KLF12: variants seen among roughly 807,000 people sequenced by gnomAD.
The protein encoded by KLF12 is Krueppel-like factor 12.
In KLF12, 9 loss-of-function variants were observed where a neutral mutation model predicts 37.8. That is an observed-to-expected ratio of 0.24 (90% CI 0.14 to 0.42). The LOEUF (loss-of-function observed/expected upper bound fraction) is 0.42. Among genes scored for constraint, KLF12 ranks in the 10% least tolerant of loss-of-function variants. The pLI is 1.00. For missense variants in KLF12, 411 were observed against 516.0 expected (o/e 0.80, Z 1.97); for synonymous variants, 208 against 202.1 (o/e 1.03, Z -0.25).
the KLF12 span, among the ~76,000 whole-genome samples, chr13:74,207,563 C>A: frequency 6.6e-6 from 1 of 152,150 alleles, no homozygotes; most frequent in African/African-American, 2.4e-5. Flanking sequence ...GTAATCCCAG[C>A]TACTTGGGAG....
At chr13:73,790,982 G>T (rs1301430778) in intron 5 of KLF12, among the ~76,000 whole-genome samples, 1 of 152,122 alleles carries the variant, frequency 6.6e-6, no homozygotes, top group African/African-American at 2.4e-5. Flanking sequence ...TTTCTAGTCT[G>T]ATCTTGACAT....
chr13:74,136,183 G>A (rs575490377), upstream of KLF12, among the ~76,000 whole-genome samples: 2 of 152,312 alleles, frequency 1.3e-5, no homozygotes, highest in South Asian at 4.1e-4. Context: ...GCGGGAGCGG[G>A]AAGGCGCGGG....
At chr13:74,056,021 G>T (rs568330924) in intron 1 of KLF12, among the ~76,000 whole-genome samples, 42 of 152,324 alleles carry the variant, frequency 2.8e-4, no homozygotes, top group Non-Finnish European at 5.6e-4. Flanking sequence ...AGGAAAACAT[G>T]GGTGTACCTG....
Position 73,860,507 on chromosome 13 carries a change from G to A in KLF12, c.124-14134C>T, listed in dbSNP as rs748869218. 3.8e-4 allele frequency among the ~76,000 whole-genome samples: 58 copies of A among 152,260 alleles called. 1 individual carries two copies. Among genetic ancestry groups the A allele is most frequent in the East Asian group, 2.1e-3 (11 of 5,164 alleles). ...CACAGCACTTTAGGAGGCCGAGACC[G>A]AAGGGTTGCTCGAGCTCAGGAGTTT... On this transcript the variant is annotated intron_variant, in intron 3 of 7. Coordinates refer to ENST00000377669, the MANE Select transcript of KLF12 (RefSeq NM_007249.5).
chr13:73,694,577 T>C lies in KLF12; in HGVS notation c.*913A>G, dbSNP rs1208208090. On this transcript the variant is annotated 3_prime_UTR_variant, in exon 8 of 8. Transcript: ENST00000377669. ...TGCCTGGGCAGCCCCACCTCTTACC[T>C]TGGTGCCAGTGTGTCTAAGAAAGTT... 6.5e-6 allele frequency: 1 copy of C among 152,720 alleles called. No individual in the cohort carries two copies. Among genetic ancestry groups the C allele is most frequent in the African/African-American group, 2.4e-5 (1 of 41,474 alleles). 9.5% of individuals were successfully genotyped at this position (152,720 alleles called of 1,614,324 possible).
intron 6 of KLF12, among the ~76,000 whole-genome samples, chr13:73,762,599 C>T (rs929435472): frequency 8.5e-5 from 13 of 152,110 alleles, no homozygotes; most frequent in African/African-American, 1.9e-4. Context: ...ATCACTGTTC[C>T]TAATTCTCAA....
chr13:74,207,451 G>A, the KLF12 span, among the ~76,000 whole-genome samples: 1 of 152,064 alleles, frequency 6.6e-6, no homozygotes, highest in Non-Finnish European at 1.5e-5. Context: ...CAAGGCGGGT[G>A]GATCACAAGG....
Position 73,735,169 on chromosome 13 carries a change from T to C in KLF12, c.870-19644A>G, listed in dbSNP as rs530918635. On this transcript the variant is annotated intron_variant, in intron 6 of 7. Transcript: ENST00000377669. ...AAAAAAAGCCAGCTATTGTGACACA[T>C]GCCTGTGGTCCCAGTAACTTGGGAG... Among the ~76,000 whole-genome samples the C allele has an allele frequency of 4.2e-4, 62 of 146,096 alleles. No individual in the cohort carries two copies. The South Asian group carries it at 0.013, about 30-fold the overall frequency.
chr13:74,181,672 C>T, the KLF12 span, among the ~76,000 whole-genome samples: 1 of 145,780 alleles, frequency 6.9e-6, no homozygotes, highest in Admixed American at 7.0e-5. Context: ...GCACTCTAGC[C>T]TGGGTGACAG....
rs1873847976 is a variant in KLF12, at chr13:73,691,937, T to C, written c.*3553A>G. 1 of 152,638 alleles carries C rather than the reference T, an allele frequency of 6.6e-6. No individual in the cohort carries two copies. The highest frequency in any genetic ancestry group is 6.5e-5 in the Admixed American group (1 of 15,274). 9.5% of individuals were successfully genotyped at this position (152,638 alleles called of 1,614,324 possible). On this transcript the variant is annotated 3_prime_UTR_variant, in exon 8 of 8. Transcript: ENST00000377669. ...TTTCTAATCACCTGGAACTGGCATT[T>C]GTAAACACTGTAGCATTTTGTAAGT... is the stretch of plus-strand genomic sequence containing the variant.
At chr13:73,745,382 C>T (rs1364740806) in intron 6 of KLF12, among the ~76,000 whole-genome samples, 2 of 152,148 alleles carry the variant, frequency 1.3e-5, no homozygotes, top group African/African-American at 4.8e-5. Flanking sequence ...GGTTTTCCTC[C>T]TCCAGTGTAT....
intron 7 of KLF12, among the ~76,000 whole-genome samples, chr13:73,712,215 G>C (rs1272345475): frequency 1.3e-5 from 2 of 151,924 alleles, no homozygotes; most frequent in African/African-American, 4.8e-5. Flanking sequence ...GCACATGCCT[G>C]TAATCCCAGC....
intron 7 of KLF12, among the ~76,000 whole-genome samples, chr13:73,698,426 G>A (rs1258101720): frequency 2.0e-5 from 3 of 152,014 alleles, no homozygotes; most frequent in East Asian, 1.9e-4. Flanking sequence ...ACTTCCAATT[G>A]AGTCACTTAA....
intron 6 of KLF12, among the ~76,000 whole-genome samples, chr13:73,743,007 T>G (rs968452898): frequency 2.1e-5 from 3 of 140,888 alleles, no homozygotes; most frequent in African/African-American, 2.5e-5. Flanking sequence ...CATAGGTTTG[T>G]GTTCTCTTCG....
intron 1 of KLF12, among the ~76,000 whole-genome samples, chr13:74,058,460 G>A (rs867250491): frequency 1.2e-4 from 17 of 142,146 alleles, no homozygotes; most frequent in South Asian, 2.2e-4. Context: ...GGTTCACGCC[G>A]TTCTCCTGCC....
the KLF12 span, among the ~76,000 whole-genome samples, chr13:74,186,223 G>C: frequency 7.2e-5 from 11 of 152,138 alleles, no homozygotes; most frequent in African/African-American, 2.7e-4. Context: ...GTAAGAAACT[G>C]TAATACTTTG....
chr13:73,834,758 C>T (rs1465423880), intron 4 of KLF12, among the ~76,000 whole-genome samples: 5 of 152,170 alleles, frequency 3.3e-5, no homozygotes, highest in African/African-American at 7.2e-5. Flanking sequence ...GTGATCCACC[C>T]GCCACAGCCT....
the KLF12 span, among the ~76,000 whole-genome samples, chr13:74,195,421 C>T: frequency 6.6e-6 from 1 of 152,072 alleles, no homozygotes; most frequent in East Asian, 1.9e-4. Flanking sequence ...CCTAGAATGA[C>T]AGGGTCCTGT....
At chr13:74,140,979 G>A in the KLF12 span, among the ~76,000 whole-genome samples, 2 of 151,826 alleles carry the variant, frequency 1.3e-5, no homozygotes, top group South Asian at 2.1e-4. Flanking sequence ...GCAGGAGAAT[G>A]GCATGAACCT....
Sources: gnomAD v4.1 joint callset for allele counts (sites outside exome capture counted in the v4.1 genomes callset) on GRCh38, gnomAD v4.1.1 for gene constraint, MANE v1.5 for transcripts, NCBI Gene and HGNC (gene_info 2026-07-23, HGNC 2026-07-21) for gene names.